Variants in PIGR observed in about 807,000 individuals in gnomAD.
PIGR encodes hepatocellular carcinoma associated protein TB6.
In PIGR, 22 loss-of-function variants were observed where a neutral mutation model predicts 69.5. That is an observed-to-expected ratio of 0.32 (90% CI 0.23 to 0.45). The LOEUF (loss-of-function observed/expected upper bound fraction) is 0.45, where lower values mean the gene tolerates loss of function less well. Ranked by LOEUF, PIGR falls within the 20% of genes least tolerant of loss-of-function variation. The pLI is 1.00. For missense variants in PIGR, 885 were observed against 974.0 expected, an observed-to-expected ratio of 0.91 and a Z score of 1.22; for synonymous variants, 413 against 407.6, an observed-to-expected ratio of 1.01 and a Z score of -0.16.
rs745880562 is a variant in PIGR at position 206,935,436 on chromosome 1, C to T, written c.1378+50G>A. ...GGAGGAAGAGTGGTTGGGGATGCTG[C>T]TGCTGGCTGGAGAGGTTTTAGAGCT... On this transcript the variant is annotated intron_variant, in intron 5 of 10. Coordinates refer to ENST00000356495, the MANE Select transcript of PIGR (RefSeq NM_002644.4). This position sits in a 1 kb window ranked among gnomAD's most constrained non-coding sequence, Gnocchi z 4.4. The T allele has an allele frequency of 2.0e-6, 3 of 1,469,170 alleles. No individual in the cohort carries two copies. Among genetic ancestry groups the T allele is most frequent in the Non-Finnish European group, 2.8e-6 (3 of 1,067,198 alleles). 91.0% of individuals were successfully genotyped at this position (1,469,170 alleles called of 1,614,324 possible).
chr1:206,943,083 C>T (rs1282510127), intron 1 of PIGR, among the ~76,000 whole-genome samples: 2 of 152,158 alleles, frequency 1.3e-5, no homozygotes, highest in Non-Finnish European at 1.5e-5. Context: ...CTCGGGAGAC[C>T]TCCCCAGCCC....
Position 206,930,228 on chromosome 1 carries a change from G to A in PIGR, c.*90C>T. The stretch of plus-strand genomic sequence containing the variant: ...AAAACCTAGGCAGGTGTTAGAGCAG[G>A]GAGTGGGGTCCCCAGGAGCTGAGGG... On this transcript the variant is annotated 3_prime_UTR_variant, in exon 11 of 11. Coordinates refer to ENST00000356495, the MANE Select transcript of PIGR (RefSeq NM_002644.4). The surrounding 1 kb of genome is among the most constrained non-coding windows in gnomAD (Gnocchi z 4.3). The A allele has an allele frequency of 8.9e-7, 1 of 1,128,894 alleles. No individual in the cohort carries two copies. The highest frequency in any genetic ancestry group is 1.6e-5 in the South Asian group (1 of 63,188). The allele number at this position is 1,128,894 out of a possible 1,614,324, so 69.9% of individuals were successfully genotyped here.
chr1:206,944,956 G>C (rs542198706), intron 1 of PIGR, among the ~76,000 whole-genome samples: 2 of 152,128 alleles, frequency 1.3e-5, no homozygotes, highest in Admixed American at 6.5e-5. Context: ...TGGTATCAAG[G>C]GAGAATGAGA....
intron 1 of PIGR, among the ~76,000 whole-genome samples, chr1:206,946,049 G>A (rs1430214278): frequency 2.0e-5 from 3 of 152,172 alleles, no homozygotes. Context: ...CACAGACCAA[G>A]CTGAAAGAGT....
At position 206,934,401 on chromosome 1, in the gene PIGR, C is replaced by T; in HGVS notation, c.1705+19G>A. 1 of 1,605,270 alleles carries T rather than the reference C, an allele frequency of 6.2e-7. No homozygotes were observed. Among genetic ancestry groups the T allele is most frequent in the South Asian group, 1.1e-5 (1 of 89,892 alleles). On this transcript the variant is annotated intron_variant, in intron 6 of 10. Coordinates refer to ENST00000356495, the MANE Select transcript of PIGR (RefSeq NM_002644.4). Reference sequence around the variant, plus strand: ...GCCTCTGGGTCTGAGGGGTGCAGGCCCTGTCCTTGGAGACTCACCCGCTGC... The same window carrying T: ...GCCTCTGGGTCTGAGGGGTGCAGGCTCTGTCCTTGGAGACTCACCCGCTGC...
Position 206,937,132 on chromosome 1 carries a change from G to A in PIGR, c.1008C>T (p.Gly336=). The change falls in exon 4 of 11, where the codon GGC becomes GGT. Residue 336 remains glycine, a synonymous_variant. Transcript: ENST00000356495. ...GAHSDGQLQE[G]SPIQAWQLFV... Reference sequence around the variant, plus strand: ...AGAGTTGCCAGGCCTGGATAGGCGAGCCTTCCTGCAGCTGACCATCCGAAT... The same window carrying A: ...AGAGTTGCCAGGCCTGGATAGGCGAACCTTCCTGCAGCTGACCATCCGAAT... 6.2e-7 allele frequency: 1 copy of A among 1,610,706 alleles called. No homozygotes were observed. Among genetic ancestry groups the A allele is most frequent in the East Asian group, 2.2e-5 (1 of 44,878 alleles).
chr1:206,929,121 T>C lies in PIGR; in HGVS notation c.*1197A>G, dbSNP rs1558010145. ...AGCCAGACATGGTGGCCCACATCTG[T>C]AGTCCCAGCTACTTGAGAGGCTGAG... On this transcript the variant is annotated 3_prime_UTR_variant, in exon 11 of 11. Coordinates refer to ENST00000356495, the MANE Select transcript of PIGR (RefSeq NM_002644.4). 1 of 150,216 alleles carries C rather than the reference T, an allele frequency of 6.7e-6. No homozygotes were observed. The highest frequency in any genetic ancestry group is 1.5e-5 in the Non-Finnish European group (1 of 67,958). 9.3% of individuals were successfully genotyped at this position (150,216 alleles called of 1,614,324 possible). A position where few individuals can be genotyped will look rare whatever the true frequency, so the allele number is the denominator to read the frequency against.
intron 4 of PIGR, among the ~76,000 whole-genome samples, chr1:206,936,467 T>C (rs1256556081): frequency 6.6e-6 from 1 of 152,082 alleles, no homozygotes; most frequent in Non-Finnish European, 1.5e-5. Flanking sequence ...GCACAGATAC[T>C]TGGAACTGCA....
intron 1 of PIGR, among the ~76,000 whole-genome samples, chr1:206,941,517 G>A (rs114196974): frequency 1.3e-3 from 200 of 152,278 alleles, no homozygotes; most frequent in African/African-American, 4.7e-3. Context: ...ACCATTTTAT[G>A]GATAAAACAT....
At chr1:206,934,995 A>T (rs778627855) in intron 5 of PIGR, among the ~76,000 whole-genome samples, 1 of 152,162 alleles carries the variant, frequency 6.6e-6, no homozygotes, top group Non-Finnish European at 1.5e-5. Context: ...AGGTGCTGAG[A>T]TTACAGGCAT....
At chr1:206,931,369 A>T in intron 10 of PIGR, 128 bp downstream of exon 10, 1 of 1,592,314 alleles carries the variant, frequency 6.3e-7, no homozygotes, top group Non-Finnish European at 8.5e-7. Flanking sequence ...ACTCCTGAGG[A>T]CTATTTATAT....
At chr1:206,942,915 ACC>A (rs1680016783) in intron 1 of PIGR, among the ~76,000 whole-genome samples, 1 of 152,148 alleles carries the variant, frequency 6.6e-6, no homozygotes, top group Non-Finnish European at 1.5e-5. Flanking sequence ...AGGAGAGGAT[ACC>A]CCTGCTTTCA....
Position 206,935,421 on chromosome 1 carries a change from T to G in PIGR, c.1378+65A>C. 7.5e-7 allele frequency: 1 copy of G among 1,335,870 alleles called. No individual in the cohort carries two copies. The highest frequency in any genetic ancestry group is 1.0e-6 in the Non-Finnish European group (1 of 954,932). 82.8% of individuals were successfully genotyped at this position (1,335,870 alleles called of 1,614,324 possible). A position where few individuals can be genotyped will look rare whatever the true frequency, so the allele number is the denominator to read the frequency against. On this transcript the variant is annotated intron_variant, in intron 5 of 10. Coordinates refer to ENST00000356495, the MANE Select transcript of PIGR (RefSeq NM_002644.4). The surrounding 1 kb of genome is among the most constrained non-coding windows in gnomAD (Gnocchi z 4.4). ...GAGGCGGGTGAAAAAGGAGGAAGAGTGGTTGGGGATGCTGCTGCTGGCTGG... is the reference window on the plus strand; with the variant it reads ...GAGGCGGGTGAAAAAGGAGGAAGAGGGGTTGGGGATGCTGCTGCTGGCTGG...
chr1:206,943,864 C>A (rs939412669), intron 1 of PIGR, among the ~76,000 whole-genome samples: 1 of 152,174 alleles, frequency 6.6e-6, no homozygotes, highest in Non-Finnish European at 1.5e-5. Flanking sequence ...TTTCCAGGTG[C>A]TTTACATGTG....
chr1:206,931,029 G>T (rs1258577363), intron 10 of PIGR: 1 of 985,304 alleles, frequency 1.0e-6, no homozygotes, highest in Admixed American at 6.2e-5. Flanking sequence ...GGCTTCAAGA[G>T]AAGTGAGCAG....
chr1:206,932,002 TC>T (rs1679763502), intron 8 of PIGR, among the ~76,000 whole-genome samples, 200 bp from the exon 9 acceptor site: 1 of 152,132 alleles, frequency 6.6e-6, no homozygotes, highest in Non-Finnish European at 1.5e-5. Flanking sequence ...GACTTGGTAA[TC>T]CCTGATCTTT....
chr1:206,931,812 AG>A lies in PIGR; in HGVS notation c.2009-11del. The A allele has an allele frequency of 6.2e-7, 1 of 1,613,944 alleles. No individual in the cohort carries two copies. Among genetic ancestry groups the A allele is most frequent in the Non-Finnish European group, 8.5e-7 (1 of 1,179,980 alleles). ...CTGATTGAAACTCGGTCTGTCCGGG[AG>A]GAAGAGGAGTTGGTGTAAGGACAGG... is the stretch of plus-strand genomic sequence containing the variant. On this transcript the variant is annotated splice_polypyrimidine_tract_variant and intron_variant, in intron 8 of 10. Transcript: ENST00000356495.
chr1:206,940,795 T>C (rs1679967331), intron 1 of PIGR, among the ~76,000 whole-genome samples: 1 of 152,242 alleles, frequency 6.6e-6, no homozygotes, highest in South Asian at 2.1e-4. Flanking sequence ...AAGTAGCTTT[T>C]GTCTTCTCAA....
At chr1:206,939,014 C>A (rs1426940867) in intron 3 of PIGR, 105 bp downstream of exon 3, 15 of 1,027,314 alleles carry the variant, frequency 1.5e-5, no homozygotes, top group Non-Finnish European at 2.0e-5. Flanking sequence ...TGACCCCCAA[C>A]CCGGCTACAC....
Sources: allele counts gnomAD v4.1 joint callset (sites outside exome capture counted in the v4.1 genomes callset), GRCh38; gene constraint gnomAD v4.1.1; non-coding constraint Gnocchi (gnomAD v3.1); transcripts MANE v1.5; gene names NCBI Gene and HGNC (gene_info 2026-07-23, HGNC 2026-07-21).